RPS25: variants seen among roughly 807,000 people sequenced by gnomAD.
RPS25 encodes the protein ribosomal protein S25.
In RPS25, 1 loss-of-function variant was observed where a neutral mutation model predicts 14.4. The observed-to-expected ratio is 0.07, with a 90% CI of 0.02 to 0.33. The LOEUF is 0.33. Among genes scored for constraint, RPS25 ranks in the 10% least tolerant of loss-of-function variants. RPS25 has a pLI of 1.00. For synonymous variants in RPS25, 63 were observed against 53.8 expected (o/e 1.17, Z -0.75); for missense variants, 65 against 144.6 (o/e 0.45, Z 2.82).
chr11:119,016,775 C>T (rs184865015), intron 3 of RPS25, among the ~76,000 whole-genome samples: 74 of 152,156 alleles, frequency 4.9e-4, no homozygotes, highest in Admixed American at 3.9e-3. Context: ...GGATTACAGA[C>T]GTGTGCCCCC....
chr11:119,018,190 G>A (rs1252480480), intron 1 of RPS25, 92 bp downstream of exon 1: 3 of 1,598,380 alleles, frequency 1.9e-6, no homozygotes, highest in Non-Finnish European at 2.6e-6. Context: ...TGCAACCGAG[G>A]CCGGCAGGCC....
chr11:119,017,146 A>G (rs1469400983), intron 3 of RPS25, among the ~76,000 whole-genome samples: 1 of 152,230 alleles, frequency 6.6e-6, no homozygotes, highest in Admixed American at 6.5e-5. Context: ...GGGCTTCACT[A>G]AACTGCCACA....
Position 119,015,738 on chromosome 11 carries a change from C to T in RPS25, c.*25G>A. On this transcript the variant is annotated 3_prime_UTR_variant, in exon 5 of 5. Coordinates refer to ENST00000527673, the MANE Select transcript of RPS25 (RefSeq NM_001028.3). ...TTGATTTAATAAAGTTTTATTTTTCCAAATGTACAGCTGGTTGGACCTGTA... is the reference window on the plus strand; with the variant it reads ...TTGATTTAATAAAGTTTTATTTTTCTAAATGTACAGCTGGTTGGACCTGTA... The T allele has an allele frequency of 7.9e-7, 1 of 1,266,136 alleles. No individual in the cohort carries two copies. The allele number at this position is 1,266,136 out of a possible 1,614,324, so 78.4% of individuals were successfully genotyped here.
chr11:119,017,305 T>C lies in RPS25; in HGVS notation c.283+57A>G, dbSNP rs1004842040. The C allele has an allele frequency of 3.7e-6, 5 of 1,340,162 alleles. No homozygotes were observed. The Admixed American group carries it at 1.2e-4, about 32-fold the overall frequency. The allele number at this position is 1,340,162 out of a possible 1,614,324, so 83.0% of individuals were successfully genotyped here. ...TTCCAGCAAAACCACTGAAGATGCT[T>C]AACATGGTCAAGACAATTTAACCTA... On this transcript the variant is annotated intron_variant, in intron 3 of 4. Coordinates refer to ENST00000527673, the MANE Select transcript of RPS25 (RefSeq NM_001028.3).
chr11:119,017,329 T>C (rs1943187555), intron 3 of RPS25, 33 bp downstream of exon 3: 5 of 1,511,854 alleles, frequency 3.3e-6, no homozygotes, highest in Non-Finnish European at 4.5e-6. Context: ...CAATTTAACC[T>C]ACAAAAACAC....
intron 3 of RPS25, among the ~76,000 whole-genome samples, chr11:119,016,973 C>A (rs1943177063): frequency 6.6e-6 from 1 of 152,048 alleles, no homozygotes. Flanking sequence ...ACTGAGTAGA[C>A]CGTACTAAAT....
chr11:119,016,019 G>T, intron 3 of RPS25, 80 bp from the exon 4 acceptor site: 1 of 860,756 alleles, frequency 1.2e-6, no homozygotes, highest in Non-Finnish European at 2.0e-6. Context: ...TGGGCGCGGT[G>T]GCTCATGCTT....
intron 3 of RPS25, 127 bp from the exon 4 acceptor site, chr11:119,016,066 T>A: frequency 3.3e-6 from 2 of 610,828 alleles, no homozygotes; most frequent in Non-Finnish European, 6.0e-6. Context: ...GACGGGCAGA[T>A]AGCTTGAGGT....
rs1269946040 is a variant in RPS25 at position 119,015,901 on chromosome 11, T to C, written c.322A>G (p.Ile108Val). The stretch of plus-strand genomic sequence containing the variant: ...CCACCCTTGGTATTTCTGGTGTAAA[T>C]TACTTGAGCTCTGTGCTTTGAAACC... Reference protein sequence around the residue: ...KLVSKHRAQVIYTRNTKGGDA... With the variant: ...KLVSKHRAQVVYTRNTKGGDA... The change falls in exon 4 of 5, where the codon ATT (isoleucine) becomes GTT (valine). Residue 108 changes from isoleucine (I) to valine (V), a missense_variant. Physicochemically the swap from Ile to Val is conservative, Grantham distance 29 (BLOSUM62 3). Transcript: ENST00000527673. 6.2e-7 allele frequency: 1 copy of C among 1,611,576 alleles called. No individual in the cohort carries two copies. The highest frequency in any genetic ancestry group is 8.5e-7 in the Non-Finnish European group (1 of 1,177,802).
In RPS25 at chr11:119,018,021, A is replaced by G. The variant is rs1804382; in HGVS notation, c.36T>C (p.Ala12=). Residue 12 remains alanine (A), a synonymous_variant, in exon 2 of 5, where the codon GCT becomes GCC. Coordinates refer to ENST00000527673, the MANE Select transcript of RPS25 (RefSeq NM_001028.3). Reference sequence around the variant, plus strand: ...CTTTGTCTTTCTTGGCCGACTTTCCAGCGTCCTTCTTCTTCTTGTCGTCCT... The same window carrying G: ...CTTTGTCTTTCTTGGCCGACTTTCCGGCGTCCTTCTTCTTCTTGTCGTCCT... ...PPKDDKKKKD[A]GKSAKKDKDP... 6.2e-7 allele frequency: 1 copy of G among 1,612,214 alleles called. No individual in the cohort carries two copies. The highest frequency in any genetic ancestry group is 1.3e-5 in the African/African-American group (1 of 74,918).
Position 119,018,315 on chromosome 11 carries a change from G to C in RPS25, c.-31C>G, listed in dbSNP as rs190711281. ...AGCTCGGAGAATAGCAGCAGACACC[G>C]CAGCCTCGTCAAGATGTCGGACAAA... On this transcript the variant is annotated 5_prime_UTR_variant, in exon 1 of 5. Transcript: ENST00000527673. 1.9e-6 allele frequency: 3 copies of C among 1,613,958 alleles called. No homozygotes were observed. The highest frequency in any genetic ancestry group is 2.5e-6 in the Non-Finnish European group (3 of 1,179,994).
chr11:119,017,896 C>T (rs549326072), intron 2 of RPS25, 62 bp downstream of exon 2: 3 of 1,304,378 alleles, frequency 2.3e-6, no homozygotes, highest in African/African-American at 1.5e-5. Flanking sequence ...TACAAGTTAC[C>T]TATTACTAGA....
At chr11:119,016,245 C>CT (rs1283784945) in intron 3 of RPS25, among the ~76,000 whole-genome samples, 1 of 152,150 alleles carries the variant, frequency 6.6e-6, no homozygotes, top group Non-Finnish European at 1.5e-5. Flanking sequence ...AAGACTGCCC[C>CT]TCCGCACTCC....
intron 1 of RPS25, 100 bp downstream of exon 1, chr11:119,018,182 C>T: frequency 6.3e-7 from 1 of 1,595,686 alleles, no homozygotes; most frequent in Non-Finnish European, 8.6e-7. Context: ...GCCCGCCCTG[C>T]AACCGAGGCC....
chr11:119,017,602 C>T, intron 2 of RPS25, 57 bp from the exon 3 acceptor site: 1 of 1,449,896 alleles, frequency 6.9e-7, no homozygotes. Context: ...GCACCCTTTC[C>T]CTCTCGAGTA....
intron 3 of RPS25, 31 bp from the exon 4 acceptor site, chr11:119,015,970 T>C (rs1286502017): frequency 3.0e-6 from 4 of 1,312,918 alleles, no homozygotes; most frequent in Non-Finnish European, 3.3e-6. Context: ...GATGAGATGC[T>C]TAACAGATGC....
At chr11:119,017,253 C>A (rs971427204) in intron 3 of RPS25, 109 bp downstream of exon 3, 92 of 804,130 alleles carry the variant, frequency 1.1e-4, no homozygotes, top group Admixed American at 5.6e-4. Flanking sequence ...AATGGTCAAG[C>A]CACGCTTTTT....
At chr11:119,015,988 G>C in intron 3 of RPS25, 49 bp from the exon 4 acceptor site, 1 of 1,203,042 alleles carries the variant, frequency 8.3e-7, no homozygotes, top group Non-Finnish European at 1.2e-6. Context: ...TGCTACAATA[G>C]AAACTAGTAA....
At chr11:119,016,812 G>A (rs1445432265) in intron 3 of RPS25, among the ~76,000 whole-genome samples, 2 of 152,052 alleles carry the variant, frequency 1.3e-5, no homozygotes, top group African/African-American at 2.4e-5. Context: ...CAGTAGAGCA[G>A]GTTTTCACCA....
Sources: gnomAD v4.1 joint callset for allele counts (sites outside exome capture counted in the v4.1 genomes callset) on GRCh38, gnomAD v4.1.1 for gene constraint, MANE v1.5 for transcripts, NCBI Gene and HGNC (gene_info 2026-07-23, HGNC 2026-07-21) for gene names.